BBS9: variants seen among roughly 807,000 people sequenced by gnomAD.
BBS9 encodes the protein Bardet-Biedl syndrome 9.
A neutral mutation model predicts 117.7 loss-of-function variants in BBS9; 89 were observed. That is an observed-to-expected ratio of 0.76 (90% CI 0.64 to 0.90). The LOEUF is 0.90. BBS9 is among the 40% of genes least tolerant of loss of function. BBS9 has a pLI of 0.00. For missense variants in BBS9, 982 were observed against 1,042.2 expected, an observed-to-expected ratio of 0.94 and a Z score of 0.80; for synonymous variants, 379 against 370.9, an observed-to-expected ratio of 1.02 and a Z score of -0.25.
At chr7:33,296,224 G>C (rs117213259) in intron 9 of BBS9, among the ~76,000 whole-genome samples, 318 of 152,196 alleles carry the variant, frequency 2.1e-3, no homozygotes, top group Admixed American at 5.1e-3. Context: ...CTCCGTTAGA[G>C]ACTCCTGATA....
intron 1 of BBS9, among the ~76,000 whole-genome samples, chr7:33,137,835 AAC>A (rs1790775829): frequency 6.6e-6 from 1 of 152,230 alleles, no homozygotes; most frequent in South Asian, 2.1e-4. Context: ...TGGGGGAACA[AAC>A]ATACAAGATG....
At chr7:33,258,035 C>T (rs1026271342) in intron 6 of BBS9, among the ~76,000 whole-genome samples, 3 of 152,124 alleles carry the variant, frequency 2.0e-5, no homozygotes, top group Non-Finnish European at 4.4e-5. Flanking sequence ...ATGAGAGAGA[C>T]TGTTTTCTTC....
chr7:33,477,247 A>G (rs1011854662), intron 19 of BBS9, among the ~76,000 whole-genome samples: 1 of 152,230 alleles, frequency 6.6e-6, no homozygotes, highest in Non-Finnish European at 1.5e-5. Context: ...ATTAGCCATC[A>G]TCGTCATCAT....
intron 19 of BBS9, among the ~76,000 whole-genome samples, chr7:33,409,770 T>A (rs933291105): frequency 6.6e-6 from 1 of 152,244 alleles, no homozygotes; most frequent in African/African-American, 2.4e-5. Context: ...TGTTGAACTT[T>A]TAAAAATATG....
At chr7:33,550,098 T>C (rs1333802478) in intron 21 of BBS9, among the ~76,000 whole-genome samples, 1 of 152,132 alleles carries the variant, frequency 6.6e-6, no homozygotes, top group Non-Finnish European at 1.5e-5. Flanking sequence ...TACCTCAGTG[T>C]ATCTATCTTT....
At chr7:33,329,464 A>G (rs1813527911) in intron 9 of BBS9, among the ~76,000 whole-genome samples, 1 of 152,220 alleles carries the variant, frequency 6.6e-6, no homozygotes, top group Non-Finnish European at 1.5e-5. Context: ...TAAAATGTAC[A>G]TGCAGTATTA....
At chr7:33,572,193 G>C (rs1339290039) in intron 21 of BBS9, among the ~76,000 whole-genome samples, 2 of 151,926 alleles carry the variant, frequency 1.3e-5, no homozygotes, top group East Asian at 3.9e-4. Context: ...ATAAGAACAT[G>C]CAATATTTGT....
chr7:33,498,043 A>G (rs961858650), intron 19 of BBS9, among the ~76,000 whole-genome samples: 3 of 152,202 alleles, frequency 2.0e-5, no homozygotes, highest in Admixed American at 6.5e-5. Flanking sequence ...GATGTTCACT[A>G]GCTTTTACCG....
intron 18 of BBS9, among the ~76,000 whole-genome samples, chr7:33,385,458 A>G (rs1825841413): frequency 6.6e-6 from 1 of 152,162 alleles, no homozygotes; most frequent in African/African-American, 2.4e-5. Flanking sequence ...TTTTGTCTGT[A>G]TTATTCATTG....
chr7:33,292,473 C>G (rs1298505917), intron 9 of BBS9, among the ~76,000 whole-genome samples: 1 of 152,086 alleles, frequency 6.6e-6, no homozygotes, highest in Non-Finnish European at 1.5e-5. Context: ...GCAATCTGCC[C>G]ACCTTGGCCT....
intron 9 of BBS9, among the ~76,000 whole-genome samples, chr7:33,282,350 A>G (rs183184787): frequency 6.6e-6 from 1 of 152,122 alleles, no homozygotes; most frequent in Non-Finnish European, 1.5e-5. Flanking sequence ...AATAAAATTT[A>G]CAAAACAGGA....
At chr7:33,428,382 C>T (rs1033587960) in intron 19 of BBS9, among the ~76,000 whole-genome samples, 1 of 152,122 alleles carries the variant, frequency 6.6e-6, no homozygotes, top group African/African-American at 2.4e-5. Context: ...TAGACCCACC[C>T]TTATTGACAG....
At chr7:33,253,862 G>C (rs199702848) in intron 5 of BBS9, among the ~76,000 whole-genome samples, 1 of 152,106 alleles carries the variant, frequency 6.6e-6, no homozygotes, top group East Asian at 1.9e-4. Flanking sequence ...ATAATAATAT[G>C]ATGCGTCTGT....
At chr7:33,231,955 G>GT (rs1318217379) in intron 5 of BBS9, among the ~76,000 whole-genome samples, 1 of 152,052 alleles carries the variant, frequency 6.6e-6, no homozygotes, top group Non-Finnish European at 1.5e-5. Flanking sequence ...CCCCCATCCA[G>GT]TGTGACAACC....
At position 33,282,063 on chromosome 7, in the gene BBS9, C is replaced by T. The variant is rs1002082155; in HGVS notation, c.1016+8107C>T. ...TCCTAGCCCCAAGAGATCCTCTTTC[C>T]TTGGCCTCCCAAAATGCTGGGATTA... On this transcript the variant is annotated intron_variant, in intron 9 of 22. Coordinates refer to ENST00000242067, the MANE Select transcript of BBS9 (RefSeq NM_198428.3). Among the ~76,000 whole-genome samples the T allele has an allele frequency of 3.9e-5, 6 of 152,266 alleles. No individual in the cohort carries two copies. The East Asian group carries it at 5.8e-4, about 15-fold the overall frequency.
intron 5 of BBS9, among the ~76,000 whole-genome samples, chr7:33,243,962 A>G (rs1833177): frequency 0.75 from 114,503 of 152,062 alleles, 43,565 homozygotes; most frequent in Admixed American, 0.82. Flanking sequence ...AGTGGCTCAC[A>G]CCTGTAATCT....
At chr7:33,631,887 C>T (rs971124283) in intron 21 of BBS9, among the ~76,000 whole-genome samples, 2 of 152,126 alleles carry the variant, frequency 1.3e-5, no homozygotes, top group Non-Finnish European at 2.9e-5. Context: ...GAGAGGGAGG[C>T]TGTGCTTTTT....
intron 5 of BBS9, among the ~76,000 whole-genome samples, chr7:33,193,422 C>CTT (rs36059892): frequency 7.7e-5 from 2 of 26,102 alleles, no homozygotes; most frequent in Admixed American, 5.3e-4. Flanking sequence ...CTCTCTCTGC[C>CTT]TTTTTTTTTT....
intron 19 of BBS9, among the ~76,000 whole-genome samples, chr7:33,425,067 A>G (rs1833456490): frequency 6.6e-6 from 1 of 152,190 alleles, no homozygotes; most frequent in Non-Finnish European, 1.5e-5. Flanking sequence ...GAGGAAAACC[A>G]CTTATCTAAG....
Sources: gnomAD v4.1 joint callset for allele counts (sites outside exome capture counted in the v4.1 genomes callset) on GRCh38, gnomAD v4.1.1 for gene constraint, MANE v1.5 for transcripts, NCBI Gene and HGNC (gene_info 2026-07-23, HGNC 2026-07-21) for gene names.